Variants in CTNND2 observed in about 807,000 individuals in gnomAD.
The protein encoded by CTNND2 is catenin delta 2.
CTNND2 carries 22 observed loss-of-function variants against 144.4 expected under a neutral mutation model. That is an observed-to-expected ratio of 0.15 (90% CI 0.11 to 0.22). The LOEUF (loss-of-function observed/expected upper bound fraction) is 0.22, where lower values mean the gene tolerates loss of function less well. Ranked by LOEUF, CTNND2 falls within the 10% of genes least tolerant of loss-of-function variation. The pLI is 1.00. For missense variants in CTNND2, 1,353 were observed against 1,618.8 expected (o/e 0.84, Z 2.82); for synonymous variants, 751 against 695.6 (o/e 1.08, Z -1.25).
intron 18 of CTNND2, among the ~76,000 whole-genome samples, chr5:11,015,337 CT>C (rs1279545561): frequency 6.6e-6 from 1 of 152,178 alleles, no homozygotes; most frequent in East Asian, 1.9e-4. Flanking sequence ...AAAGATCTTC[CT>C]TTCATTTCAC....
intron 1 of CTNND2, among the ~76,000 whole-genome samples, chr5:11,794,028 C>T (rs1791273617): frequency 6.6e-6 from 1 of 152,206 alleles, no homozygotes; most frequent in Admixed American, 6.5e-5. Flanking sequence ...GTTTTCTCCA[C>T]CCTTGGTGAC....
At chr5:11,502,636 T>A (rs576508623) in intron 3 of CTNND2, among the ~76,000 whole-genome samples, 4 of 152,310 alleles carry the variant, frequency 2.6e-5, no homozygotes, top group East Asian at 3.9e-4. Context: ...GTGATTTTTA[T>A]CCCTGTTCAT....
At chr5:11,646,012 C>T (rs1277487784) in intron 2 of CTNND2, among the ~76,000 whole-genome samples, 2 of 151,810 alleles carry the variant, frequency 1.3e-5, no homozygotes, top group Admixed American at 6.6e-5. Flanking sequence ...CATATGATTC[C>T]ATTTTATGTA....
At position 11,730,787 on chromosome 5, in the gene CTNND2, A is replaced by G. The variant is rs372052609; in HGVS notation, c.174+1349T>C. On this transcript the variant is annotated intron_variant, in intron 2 of 21. Coordinates refer to ENST00000304623, the MANE Select transcript of CTNND2 (RefSeq NM_001332.4). ...GAATTACTTTATGTCCTTGTGATAAAACAATTTTCAGCAGACAGGTCTTGC... is the reference window on the plus strand; with the variant it reads ...GAATTACTTTATGTCCTTGTGATAAGACAATTTTCAGCAGACAGGTCTTGC... 2.6e-5 allele frequency among the ~76,000 whole-genome samples: 4 copies of G among 152,336 alleles called. No homozygotes were observed. The East Asian group carries it at 7.7e-4, about 29-fold the overall frequency.
intron 16 of CTNND2, among the ~76,000 whole-genome samples, chr5:11,043,136 A>G (rs973461849): frequency 6.6e-6 from 1 of 151,164 alleles, no homozygotes; most frequent in Non-Finnish European, 1.5e-5. Flanking sequence ...GTATTTTTAT[A>G]GTACACAGAA....
intron 3 of CTNND2, among the ~76,000 whole-genome samples, chr5:11,470,983 T>A (rs868605668): frequency 0.036 from 4,019 of 112,328 alleles, 73 homozygotes; most frequent in African/African-American, 0.061. Context: ...TATATATATT[T>A]TTTTTTTTTT....
chr5:11,446,792 G>A (rs1764844748), intron 3 of CTNND2, among the ~76,000 whole-genome samples: 1 of 152,182 alleles, frequency 6.6e-6, no homozygotes, highest in African/African-American at 2.4e-5. Flanking sequence ...GCAAGTGGCA[G>A]GCTAGGAGAC....
chr5:11,028,784 C>T (rs1460419100), intron 16 of CTNND2, among the ~76,000 whole-genome samples: 3 of 152,192 alleles, frequency 2.0e-5, no homozygotes, highest in Non-Finnish European at 4.4e-5. Flanking sequence ...TTTCAGCTGA[C>T]TGCAACCTCT....
intron 18 of CTNND2, among the ~76,000 whole-genome samples, chr5:11,011,912 G>A (rs1338964120): frequency 6.6e-6 from 1 of 152,202 alleles, no homozygotes; most frequent in Non-Finnish European, 1.5e-5. Context: ...GAAAGACAGT[G>A]GGACTAGAGG....
chr5:11,068,685 G>A (rs1377546147), intron 16 of CTNND2, among the ~76,000 whole-genome samples: 2 of 152,348 alleles, frequency 1.3e-5, no homozygotes, highest in Middle Eastern at 3.4e-3. Flanking sequence ...GGAAGCCGAG[G>A]CGGGCGGATC....
chr5:11,184,049 A>G (rs915458137), intron 11 of CTNND2, among the ~76,000 whole-genome samples: 2 of 152,244 alleles, frequency 1.3e-5, no homozygotes, highest in African/African-American at 4.8e-5. Flanking sequence ...AAAAACCGCT[A>G]AAGTTAATGT....
chr5:11,252,228 T>G (rs1743736700), intron 9 of CTNND2, among the ~76,000 whole-genome samples: 1 of 152,194 alleles, frequency 6.6e-6, no homozygotes, highest in Admixed American at 6.5e-5. Context: ...TGATATGGAC[T>G]TAGACTGCAG....
intron 12 of CTNND2, 136 bp from the exon 13 acceptor site, chr5:11,117,703 C>A: frequency 1.4e-6 from 1 of 695,280 alleles, no homozygotes; most frequent in South Asian, 1.8e-5. Context: ...AAGAATATAT[C>A]TTTAATGAAA....
intron 2 of CTNND2, among the ~76,000 whole-genome samples, chr5:11,605,855 G>A (rs1028048882): frequency 3.3e-5 from 5 of 152,126 alleles, no homozygotes; most frequent in African/African-American, 1.2e-4. Context: ...CAAGTCCCTG[G>A]TCCTGTAATT....
chr5:11,090,196 GC>G (rs1750622210), intron 15 of CTNND2, among the ~76,000 whole-genome samples: 2 of 152,184 alleles, frequency 1.3e-5, no homozygotes, highest in African/African-American at 4.8e-5. Context: ...CATGTCCGGA[GC>G]CACCATAGCG....
At chr5:11,130,637 G>A (rs142301092) in intron 12 of CTNND2, among the ~76,000 whole-genome samples, 1 of 152,268 alleles carries the variant, frequency 6.6e-6, no homozygotes, top group Non-Finnish European at 1.5e-5. Flanking sequence ...GCCTAATTGT[G>A]CGGGTGGCCC....
chr5:11,899,430 T>C (rs924371989), intron 1 of CTNND2, among the ~76,000 whole-genome samples: 1 of 152,180 alleles, frequency 6.6e-6, no homozygotes, highest in African/African-American at 2.4e-5. Flanking sequence ...ATAATTTACT[T>C]CTCCTTTAGC....
chr5:11,015,982 T>A (rs1349476253), intron 18 of CTNND2, among the ~76,000 whole-genome samples: 1 of 152,202 alleles, frequency 6.6e-6, no homozygotes. Context: ...TGCTAACCCA[T>A]TATATGAAAT....
intron 2 of CTNND2, among the ~76,000 whole-genome samples, chr5:11,661,431 T>C (rs149027020): frequency 1.1e-4 from 17 of 152,310 alleles, no homozygotes; most frequent in African/African-American, 4.1e-4. Context: ...TACTTTTTTA[T>C]TGCAAACTTT....
Sources: allele counts gnomAD v4.1 joint callset (sites outside exome capture counted in the v4.1 genomes callset), GRCh38; gene constraint gnomAD v4.1.1; transcripts MANE v1.5; gene names NCBI Gene and HGNC (gene_info 2026-07-23, HGNC 2026-07-21).